WWOX: variants seen among roughly 807,000 people sequenced by gnomAD.
The protein encoded by WWOX is WW domain containing oxidoreductase.
Under a neutral mutation model 46.2 loss-of-function variants are expected in WWOX, and 69 were observed. The ratio of observed to expected loss-of-function variants is 1.49; its 90% CI spans 1.23 to 1.82. The LOEUF is 1.82. Ranked by LOEUF, WWOX falls within the 40% of genes most tolerant of loss-of-function variation. The pLI, the probability that WWOX is intolerant of heterozygous loss-of-function variation, is 0.00. For synonymous variants in WWOX, 359 were observed against 202.6 expected (o/e 1.77, Z -6.56); for missense variants, 919 against 542.6 (o/e 1.69, Z -6.89).
At chr16:78,171,132 C>T (rs2035144167) in intron 5 of WWOX, among the ~76,000 whole-genome samples, 2 of 152,156 alleles carry the variant, frequency 1.3e-5, no homozygotes, top group East Asian at 3.8e-4. Context: ...GGCTCATGGG[C>T]TCAACATTTT....
intron 5 of WWOX, among the ~76,000 whole-genome samples, chr16:78,181,096 G>A (rs2035518978): frequency 6.6e-6 from 1 of 152,138 alleles, no homozygotes. Context: ...AATGTATACT[G>A]AAAGAGAAAG....
chr16:78,116,730 A>C (rs2032811953), intron 4 of WWOX, among the ~76,000 whole-genome samples: 1 of 152,228 alleles, frequency 6.6e-6, no homozygotes, highest in Non-Finnish European at 1.5e-5. Context: ...ATTGTGGAAT[A>C]ATTAAGAAAA....
chr16:79,149,953 G>A (rs940655701), intron 8 of WWOX, among the ~76,000 whole-genome samples: 7 of 152,316 alleles, frequency 4.6e-5, no homozygotes, highest in East Asian at 1.9e-4. Flanking sequence ...CTCAGATGCC[G>A]ATGACCAGTA....
chr16:78,130,456 T>A lies in WWOX; in HGVS notation c.409+15302T>A, dbSNP rs78150000. 9.1e-4 allele frequency among the ~76,000 whole-genome samples: 138 copies of A among 152,286 alleles called. 2 individuals carry two copies. In the East Asian group the frequency reaches 0.023, roughly 26 times the overall value. On this transcript the variant is annotated intron_variant, in intron 4 of 8. Coordinates refer to ENST00000566780, the MANE Select transcript of WWOX (RefSeq NM_016373.4). ...AGCCTCCAGAACTGTGTTAAAGAAA[T>A]GTCTGCTATTTAAGCCACTCGGTCC...
chr16:78,318,990 A>C (rs2080411099), intron 5 of WWOX, among the ~76,000 whole-genome samples: 1 of 152,218 alleles, frequency 6.6e-6, no homozygotes, highest in African/African-American at 2.4e-5. Context: ...TTAAGATTGC[A>C]GATGAAATTC....
At chr16:78,826,832 G>A (rs772196282) in intron 8 of WWOX, among the ~76,000 whole-genome samples, 1 of 152,152 alleles carries the variant, frequency 6.6e-6, no homozygotes, top group Admixed American at 6.5e-5. Flanking sequence ...CTCACCAGCT[G>A]TGTGACAATT....
At chr16:78,422,814 T>C (rs1180933008) in intron 6 of WWOX, among the ~76,000 whole-genome samples, 1 of 127,268 alleles carries the variant, frequency 7.9e-6, no homozygotes, top group Non-Finnish European at 1.5e-5. Flanking sequence ...CACACACATA[T>C]ATATACACAC....
chr16:78,449,125 A>G (rs76788005), intron 8 of WWOX, among the ~76,000 whole-genome samples: 5 of 152,296 alleles, frequency 3.3e-5, no homozygotes, highest in South Asian at 2.1e-4. Flanking sequence ...GCTTGCTGGT[A>G]GGACTCAGTT....
chr16:78,949,336 T>C (rs1228184594), intron 8 of WWOX, among the ~76,000 whole-genome samples: 2 of 152,152 alleles, frequency 1.3e-5, no homozygotes, highest in East Asian at 1.9e-4. Flanking sequence ...GATAATTTGC[T>C]GTGGCAGCAA....
At position 78,549,642 on chromosome 16, in the gene WWOX, C is replaced by T. The variant is rs982787550; in HGVS notation, c.1056+116890C>T. ...GGAGATTAGGCTGCTAATCTGCAAG[C>T]GAGCTAATGGAAATCATTCTGGGCA... On this transcript the variant is annotated intron_variant, in intron 8 of 8. Coordinates refer to ENST00000566780, the MANE Select transcript of WWOX (RefSeq NM_016373.4). Among the ~76,000 whole-genome samples, 31 of 152,224 alleles carry T rather than the reference C, an allele frequency of 2.0e-4. No individual in the cohort carries two copies. The East Asian group carries it at 2.3e-3, about 11-fold the overall frequency.
At chr16:78,620,244 T>C (rs1254477797) in intron 8 of WWOX, among the ~76,000 whole-genome samples, 1 of 152,204 alleles carries the variant, frequency 6.6e-6, no homozygotes, top group East Asian at 1.9e-4. Context: ...TTAATTGTGC[T>C]GTTAGGAGGG....
chr16:78,607,767 C>A (rs1006525972), intron 8 of WWOX, among the ~76,000 whole-genome samples: 12 of 150,720 alleles, frequency 8.0e-5, no homozygotes, highest in African/African-American at 2.4e-4. Flanking sequence ...CAGGGTGTTT[C>A]ATTGCATTTT....
rs369681707 is a variant in WWOX at position 79,033,507 on chromosome 16, G to A, written c.1057-178101G>A. Among the ~76,000 whole-genome samples the A allele has an allele frequency of 1.6e-3, 249 of 152,066 alleles. 3 individuals carry two copies. In the South Asian group the frequency reaches 0.045, roughly 27 times the overall value. On this transcript the variant is annotated intron_variant, in intron 8 of 8. Transcript: ENST00000566780. The stretch of plus-strand genomic sequence containing the variant: ...AGGCTCACAGCAAAATCGAGTGGAA[G>A]GTACAGGGATTTTCCAGATTTCCCC...
intron 8 of WWOX, among the ~76,000 whole-genome samples, chr16:78,942,417 A>G (rs1342332187): frequency 1.3e-5 from 2 of 152,156 alleles, no homozygotes; most frequent in Non-Finnish European, 2.9e-5. Context: ...TTTTGAGGAC[A>G]CACTGTAAAA....
chr16:79,037,970 A>C (rs2047900360), intron 8 of WWOX, among the ~76,000 whole-genome samples: 1 of 151,962 alleles, frequency 6.6e-6, no homozygotes, highest in African/African-American at 2.4e-5. Flanking sequence ...TTCCTCCCCT[A>C]CATAACCAGA....
At chr16:78,569,037 C>T (rs751569359) in intron 8 of WWOX, among the ~76,000 whole-genome samples, 15 of 152,162 alleles carry the variant, frequency 9.9e-5, no homozygotes, top group African/African-American at 1.4e-4. Flanking sequence ...ATTGGAGGCA[C>T]CTGGGTGTCA....
chr16:78,435,003 A>G (rs62034096), intron 8 of WWOX, among the ~76,000 whole-genome samples: 1,605 of 152,356 alleles, frequency 0.011, 11 homozygotes, highest in Middle Eastern at 0.034. Flanking sequence ...AATATGCTTA[A>G]TAAAGTCAGA....
At chr16:78,944,864 A>G (rs1567666478) in intron 8 of WWOX, among the ~76,000 whole-genome samples, 1 of 152,210 alleles carries the variant, frequency 6.6e-6, no homozygotes, top group South Asian at 2.1e-4. Context: ...CAGAACACAG[A>G]AGGGAGATTC....
chr16:78,124,528 T>G (rs1344537818), intron 4 of WWOX, among the ~76,000 whole-genome samples: 1 of 152,178 alleles, frequency 6.6e-6, no homozygotes, highest in Non-Finnish European at 1.5e-5. Context: ...AAAGATGTCT[T>G]AAATTAAGGC....
Sources: gnomAD v4.1 joint callset for allele counts (sites outside exome capture counted in the v4.1 genomes callset) on GRCh38, gnomAD v4.1.1 for gene constraint, MANE v1.5 for transcripts, NCBI Gene and HGNC (gene_info 2026-07-23, HGNC 2026-07-21) for gene names.